Variants in TSHR observed in about 807,000 individuals in gnomAD.
TSHR encodes the protein thyroid stimulating hormone receptor.
In TSHR, 51 loss-of-function variants were observed where a neutral mutation model predicts 64.1. The ratio of observed to expected loss-of-function variants is 0.80; its 90% CI spans 0.64 to 1.01. The LOEUF (loss-of-function observed/expected upper bound fraction) is 1.01. TSHR is among the 50% of genes least tolerant of loss of function. TSHR has a pLI of 0.00. For missense variants in TSHR, 877 were observed against 942.8 expected (o/e 0.93, Z 0.91); for synonymous variants, 361 against 361.9 (o/e 1.00, Z 0.03).
intron 3 of TSHR, among the ~76,000 whole-genome samples, chr14:81,082,551 C>T (rs1887982070): frequency 6.6e-6 from 1 of 152,176 alleles, no homozygotes; most frequent in South Asian, 2.1e-4. Context: ...AAGATATCGT[C>T]CTGTATACAC....
intron 1 of TSHR, among the ~76,000 whole-genome samples, chr14:80,968,183 T>C: frequency 6.6e-6 from 1 of 152,068 alleles, no homozygotes; most frequent in African/African-American, 2.4e-5. Flanking sequence ...CTGAAGCTAG[T>C]CAGAGCTCAT....
chr14:80,998,668 A>G (rs1039944673), intron 1 of TSHR, among the ~76,000 whole-genome samples: 1 of 152,058 alleles, frequency 6.6e-6, no homozygotes, highest in Non-Finnish European at 1.5e-5. Flanking sequence ...TATAAAGAAA[A>G]TGAGTGATAC....
intron 6 of TSHR, among the ~76,000 whole-genome samples, chr14:81,095,189 C>G (rs991812345): frequency 6.6e-6 from 1 of 152,186 alleles, no homozygotes; most frequent in Non-Finnish European, 1.5e-5. Flanking sequence ...CCAATAACCT[C>G]TTGCATTCCC....
chr14:81,092,847 G>A (rs986034252), intron 6 of TSHR, among the ~76,000 whole-genome samples: 3 of 152,184 alleles, frequency 2.0e-5, no homozygotes, highest in South Asian at 2.1e-4. Context: ...CATTTTTCAC[G>A]TGAAGAACCA....
intron 1 of TSHR, among the ~76,000 whole-genome samples, chr14:81,037,427 ACAAACAAAC>A (rs1884692459): frequency 6.9e-6 from 1 of 144,284 alleles, no homozygotes; most frequent in African/African-American, 2.6e-5. Context: ...TACAAAACAA[ACAAACAAAC>A]AAACAAACAA....
At position 81,144,163 on chromosome 14, in the gene TSHR, A is replaced by G. The variant is rs777705856; in HGVS notation, c.2105A>G (p.Gln702Arg). ...LLSKFGICKR[Q>R]AQAYRGQRVP... is the part of the protein sequence containing the mutation. The stretch of plus-strand genomic sequence containing the variant: ...AGCAAGTTTGGCATCTGTAAACGCC[A>G]GGCTCAGGCATACCGGGGGCAGAGG... The change falls in exon 10 of 10, where the codon CAG becomes CGG. Residue 702 changes from glutamine (Q) to arginine (R), a missense_variant. Transcript: ENST00000298171. 3.7e-6 allele frequency: 6 copies of G among 1,614,136 alleles called. No homozygotes were observed. The highest frequency in any genetic ancestry group is 5.1e-6 in the Non-Finnish European group (6 of 1,179,990).
intron 1 of TSHR, among the ~76,000 whole-genome samples, chr14:80,990,381 C>T (rs958524171): frequency 2.6e-5 from 4 of 152,182 alleles, no homozygotes; most frequent in South Asian, 2.1e-4. Flanking sequence ...TCTTTTTTCC[C>T]ACCGATCAAA....
In TSHR at chr14:81,068,275, T is replaced by C. The variant is rs528335685; in HGVS notation, c.264T>C (p.Thr88=). 6.2e-7 allele frequency: 1 copy of C among 1,613,238 alleles called. No homozygotes were observed. Among genetic ancestry groups the C allele is most frequent in the East Asian group, 2.2e-5 (1 of 44,840 alleles). The change falls in exon 3 of 10, where the codon ACT becomes ACC. Residue 88 remains threonine, a synonymous_variant. Transcript: ENST00000298171. ...ISRIYVSIDV[T]LQQLESHSFY... The stretch of plus-strand genomic sequence containing the variant: ...TCAGCTACGTATCTATAGATGTGAC[T>C]CTGCAGCAGCTGGAATCACACTCCT...
intron 1 of TSHR, among the ~76,000 whole-genome samples, chr14:80,964,633 G>A (rs926041736): frequency 1.3e-5 from 2 of 152,154 alleles, no homozygotes; most frequent in African/African-American, 4.8e-5. Context: ...GTGAAAATTT[G>A]TCCCCATCAG....
intron 1 of TSHR, among the ~76,000 whole-genome samples, chr14:80,978,364 G>A (rs1329890437): frequency 2.6e-5 from 4 of 152,134 alleles, no homozygotes; most frequent in Non-Finnish European, 4.4e-5. Context: ...ACCAATTCCA[G>A]TACCAACTGT....
intron 1 of TSHR, among the ~76,000 whole-genome samples, chr14:80,999,266 C>A (rs545799103): frequency 6.6e-6 from 1 of 152,214 alleles, no homozygotes; most frequent in African/African-American, 2.4e-5. Flanking sequence ...AGAAAATCTA[C>A]CACCATTAGT....
chr14:81,088,080 TTTAA>T (rs1888426487), intron 4 of TSHR, 52 bp downstream of exon 4: 1 of 1,369,864 alleles, frequency 7.3e-7, no homozygotes, highest in Non-Finnish European at 1.0e-6. Flanking sequence ...GGGGGTCAGA[TTTAA>T]TGCTGTTGTC....
At chr14:81,058,668 C>A (rs1274082780) in intron 1 of TSHR, among the ~76,000 whole-genome samples, 1 of 152,128 alleles carries the variant, frequency 6.6e-6, no homozygotes, top group Non-Finnish European at 1.5e-5. Context: ...TATTGCGATG[C>A]AAATTCTTTG....
chr14:81,041,920 G>A lies in TSHR; in HGVS notation c.171-20228G>A, dbSNP rs533057058. ...GATGTTCACACAATAACAACATTGC[G>A]TTGTAATGCATTTTTCAGAATATAT... On this transcript the variant is annotated intron_variant, in intron 1 of 9. Coordinates refer to ENST00000298171, the MANE Select transcript of TSHR (RefSeq NM_000369.5). Among the ~76,000 whole-genome samples the A allele has an allele frequency of 3.4e-4, 51 of 152,158 alleles. 1 individual carries two copies. The highest frequency in any genetic ancestry group is 1.5e-3 in the South Asian group (7 of 4,818).
chr14:81,114,864 C>G (rs549645913), intron 8 of TSHR, among the ~76,000 whole-genome samples: 1 of 151,874 alleles, frequency 6.6e-6, no homozygotes, highest in African/African-American at 2.4e-5. Flanking sequence ...TCAAGTGGGT[C>G]CCTGACCCCT....
At chr14:81,048,401 T>C (rs964680788) in intron 1 of TSHR, among the ~76,000 whole-genome samples, 6 of 152,162 alleles carry the variant, frequency 3.9e-5, no homozygotes, top group African/African-American at 1.4e-4. Flanking sequence ...ATGGGCTTTC[T>C]TCTGTTATTA....
rs118125928 is a variant in TSHR, at chr14:80,996,832, C to T, written c.170+40982C>T. 2.0e-3 allele frequency among the ~76,000 whole-genome samples: 304 copies of T among 152,248 alleles called. 8 individuals are homozygous for T. The East Asian group carries it at 0.055, about 27-fold the overall frequency. ...AAAATTTCTTCTCATCTAGCTTCCA[C>T]TCCAAATCTGTTTCTCCCAGAGAAA... is the stretch of plus-strand genomic sequence containing the variant. On this transcript the variant is annotated intron_variant, in intron 1 of 9. Coordinates refer to ENST00000298171, the MANE Select transcript of TSHR (RefSeq NM_000369.5).
chr14:81,006,803 A>C (rs1889630846), intron 1 of TSHR, among the ~76,000 whole-genome samples: 1 of 152,134 alleles, frequency 6.6e-6, no homozygotes, highest in African/African-American at 2.4e-5. Flanking sequence ...GTGAGTTAAC[A>C]TTCCTGGCCC....
chr14:81,047,520 G>A (rs1261118150), intron 1 of TSHR, among the ~76,000 whole-genome samples: 2 of 152,184 alleles, frequency 1.3e-5, no homozygotes, highest in Non-Finnish European at 2.9e-5. Flanking sequence ...AAATTGTAAC[G>A]ATAGATGGTG....
Sources: allele counts gnomAD v4.1 joint callset (sites outside exome capture counted in the v4.1 genomes callset), GRCh38; gene constraint gnomAD v4.1.1; transcripts MANE v1.5; gene names NCBI Gene and HGNC (gene_info 2026-07-23, HGNC 2026-07-21).